The following ATL1 variants were observed in gnomAD, a reference collection of about 807,000 sequenced individuals.
The protein encoded by ATL1 is atlastin-1.
Under a neutral mutation model 75.5 loss-of-function variants are expected in ATL1, and 31 were observed. The ratio of observed to expected loss-of-function variants is 0.41; its 90% CI spans 0.31 to 0.55. The LOEUF (loss-of-function observed/expected upper bound fraction) is 0.55, where lower values mean the gene tolerates loss of function less well. Among genes scored for constraint, ATL1 ranks in the 20% least tolerant of loss-of-function variants. The pLI is 0.27. For synonymous variants in ATL1, 226 were observed against 233.3 expected, an observed-to-expected ratio of 0.97 and a Z score of 0.28; for missense variants, 405 against 662.6, an observed-to-expected ratio of 0.61 and a Z score of 4.27.
chr14:50,553,567 G>T (rs1006600836), intron 1 of ATL1, among the ~76,000 whole-genome samples: 15 of 152,096 alleles, frequency 9.9e-5, no homozygotes, highest in African/African-American at 3.6e-4. Context: ...ACTAAAAGTG[G>T]AACTACCATT....
intron 1 of ATL1, among the ~76,000 whole-genome samples, chr14:50,549,518 C>G (rs1484951041): frequency 6.6e-6 from 1 of 152,200 alleles, no homozygotes; most frequent in Non-Finnish European, 1.5e-5. Context: ...ATACCTTAAC[C>G]TGTGTGGACA....
intron 8 of ATL1, among the ~76,000 whole-genome samples, chr14:50,618,895 T>TA (rs2039440013): frequency 1.3e-5 from 2 of 150,594 alleles, no homozygotes; most frequent in Non-Finnish European, 3.0e-5. Flanking sequence ...ATATATATTT[T>TA]TTTTTCTTTC....
chr14:50,561,691 G>A (rs1325264525), intron 1 of ATL1, among the ~76,000 whole-genome samples: 1 of 152,092 alleles, frequency 6.6e-6, no homozygotes, highest in Non-Finnish European at 1.5e-5. Context: ...GGAGCGGGGA[G>A]GTCTGTCATG....
chr14:50,610,612 CT>C (rs2039356921), intron 6 of ATL1, among the ~76,000 whole-genome samples: 1 of 152,048 alleles, frequency 6.6e-6, no homozygotes, highest in Non-Finnish European at 1.5e-5. Context: ...AGCCAAACAA[CT>C]TTGAATATTG....
At chr14:50,542,207 C>T (rs12896388) in intron 1 of ATL1, among the ~76,000 whole-genome samples, 1 of 145,556 alleles carries the variant, frequency 6.9e-6, no homozygotes, top group East Asian at 2.0e-4. Context: ...TGCATGTTCT[C>T]ACTCATAAGT....
upstream of ATL1, among the ~76,000 whole-genome samples, chr14:50,556,398 T>A (rs1354826168): frequency 6.6e-6 from 1 of 151,960 alleles, no homozygotes; most frequent in African/African-American, 2.4e-5. Context: ...CTATTTTTTT[T>A]ATAGAGATGG....
chr14:50,630,797 A>T (rs1403287477), intron 13 of ATL1: 2 of 329,798 alleles, frequency 6.1e-6, no homozygotes, highest in Non-Finnish European at 1.2e-5. Flanking sequence ...AAGTTCATTA[A>T]AAAAGCAAAA....
At chr14:50,537,704 G>T (rs1464270527) in intron 1 of ATL1, among the ~76,000 whole-genome samples, 1 of 152,262 alleles carries the variant, frequency 6.6e-6, no homozygotes, top group African/African-American at 2.4e-5. Context: ...AGTCAAAGGA[G>T]ATCATTTTGG....
chr14:50,598,101 C>T (rs2039238438), intron 6 of ATL1, among the ~76,000 whole-genome samples: 1 of 151,980 alleles, frequency 6.6e-6, no homozygotes, highest in African/African-American at 2.4e-5. Flanking sequence ...TAATTAGCCA[C>T]CAAAATATAA....
At chr14:50,598,632 G>A (rs2039243908) in intron 6 of ATL1, among the ~76,000 whole-genome samples, 2 of 152,250 alleles carry the variant, frequency 1.3e-5, no homozygotes, top group South Asian at 4.2e-4. Flanking sequence ...GAAAGTGCTG[G>A]GATTACAGGT....
At chr14:50,535,875 G>C (rs1044755519) in intron 1 of ATL1, among the ~76,000 whole-genome samples, 1 of 152,194 alleles carries the variant, frequency 6.6e-6, no homozygotes, top group African/African-American at 2.4e-5. Flanking sequence ...CAGGTAGGAG[G>C]TAATGAATCA....
At chr14:50,570,104 C>T (rs1190804613) in intron 1 of ATL1, among the ~76,000 whole-genome samples, 2 of 152,138 alleles carry the variant, frequency 1.3e-5, no homozygotes, top group Non-Finnish European at 2.9e-5. Context: ...GGAAAGTTTT[C>T]AGCTATTATT....
chr14:50,544,750 A>G (rs1174649731), intron 1 of ATL1, among the ~76,000 whole-genome samples: 1 of 152,008 alleles, frequency 6.6e-6, no homozygotes, highest in East Asian at 1.9e-4. Flanking sequence ...CCTGGGGAAC[A>G]TAGTGAGAAC....
intron 1 of ATL1, among the ~76,000 whole-genome samples, chr14:50,540,768 T>C (rs7154254): frequency 0.88 from 133,380 of 152,108 alleles, 60,686 homozygotes; most frequent in Non-Finnish European, 0.99. Flanking sequence ...ATTAGGTTTC[T>C]AGGGAGCTAT....
At position 50,560,292 on chromosome 14, in the gene ATL1, C is replaced by G. The variant is rs752593199; in HGVS notation, c.27C>G (p.Asn9Lys). 3.6e-5 allele frequency: 58 copies of G among 1,613,894 alleles called. No individual in the cohort carries two copies. The highest frequency in any genetic ancestry group is 1.0e-4 in the Admixed American group (6 of 60,000). The change falls in exon 1 of 14, where the codon AAC (asparagine) becomes AAG (lysine). Residue 9 changes from asparagine to lysine, a missense_variant. Asn to Lys is a moderately conservative substitution (Grantham distance 94). This residue lies in a region of ATL1 where 126 missense variants were observed against 172.0 expected (regional missense o/e 0.73). Transcript: ENST00000358385. ...TGGCCAAGAACCGCAGGGACAGAAA[C>G]AGTTGGGGTGAGTAGCAAATGAGAA... Reference protein sequence around the residue: MAKNRRDRNSWGGFSEKTY... With the variant: MAKNRRDRKSWGGFSEKTY...
chr14:50,553,740 G>GTA (rs1465945554), intron 1 of ATL1, among the ~76,000 whole-genome samples: 4 of 152,148 alleles, frequency 2.6e-5, no homozygotes, highest in African/African-American at 9.7e-5. Context: ...AGGAAATGTG[G>GTA]TATATATACA....
At chr14:50,542,345 C>T (rs990216423) in intron 1 of ATL1, among the ~76,000 whole-genome samples, 4 of 151,864 alleles carry the variant, frequency 2.6e-5, no homozygotes, top group African/African-American at 7.3e-5. Context: ...CTAATGCATA[C>T]GGGACTTAAA....
At chr14:50,590,884 T>C in intron 2 of ATL1, 57 bp from the exon 3 acceptor site, 3 of 1,563,144 alleles carry the variant, frequency 1.9e-6, no homozygotes, top group South Asian at 2.2e-5. Flanking sequence ...AATGAATGAA[T>C]GGAAAAAACT....
At chr14:50,551,001 A>C (rs1199849077) in intron 1 of ATL1, among the ~76,000 whole-genome samples, 2 of 152,000 alleles carry the variant, frequency 1.3e-5, no homozygotes, top group African/African-American at 2.4e-5. Flanking sequence ...CCAAACCCAA[A>C]CCCAGCAGAA....
Sources: allele counts gnomAD v4.1 joint callset (sites outside exome capture counted in the v4.1 genomes callset), GRCh38; gene constraint gnomAD v4.1.1; regional missense constraint gnomAD v4.1.1; transcripts MANE v1.5; gene names NCBI Gene and HGNC (gene_info 2026-07-23, HGNC 2026-07-21).